The following RASAL2 variants were observed in gnomAD, a reference collection of about 807,000 sequenced individuals.
The protein encoded by RASAL2 is RAS protein activator like 2.
Under a neutral mutation model 128.9 loss-of-function variants are expected in RASAL2, and 58 were observed. That is an observed-to-expected ratio of 0.45 (90% confidence interval 0.36 to 0.56). The LOEUF is 0.56. Ranked by LOEUF, RASAL2 falls within the 20% of genes least tolerant of loss-of-function variation. The pLI, the probability that RASAL2 is intolerant of heterozygous loss-of-function variation, is 0.00. For missense variants in RASAL2, 1,360 were observed against 1,601.6 expected (o/e 0.85, Z 2.57); for synonymous variants, 561 against 580.8 (o/e 0.97, Z 0.49).
intron 1 of RASAL2, among the ~76,000 whole-genome samples, chr1:178,259,079 C>T (rs899971234): frequency 4.0e-5 from 6 of 149,344 alleles, no homozygotes; most frequent in Admixed American, 1.3e-4. Context: ...TTCTTAGGGC[C>T]GAGGGGGATG....
intron 1 of RASAL2, among the ~76,000 whole-genome samples, chr1:178,166,445 C>A (rs1661516680): frequency 6.6e-6 from 1 of 151,994 alleles, no homozygotes; most frequent in Non-Finnish European, 1.5e-5. Context: ...CAAAGGTAAG[C>A]AATTAGTGTC....
chr1:178,209,205 A>G (rs1187840141), intron 1 of RASAL2, among the ~76,000 whole-genome samples: 2 of 151,990 alleles, frequency 1.3e-5, no homozygotes, highest in African/African-American at 2.4e-5. Flanking sequence ...CTTTGTGTCC[A>G]TTATCTTTTG....
At chr1:178,408,117 C>T (rs966263529) in intron 4 of RASAL2, among the ~76,000 whole-genome samples, 3 of 152,104 alleles carry the variant, frequency 2.0e-5, no homozygotes, top group Non-Finnish European at 4.4e-5. Flanking sequence ...TGACAATGTA[C>T]CTTTTTTAAA....
intron 1 of RASAL2, among the ~76,000 whole-genome samples, chr1:178,137,867 A>G (rs916455540): frequency 3.3e-5 from 5 of 152,328 alleles, no homozygotes; most frequent in Admixed American, 6.5e-5. Context: ...AAACTGTGGA[A>G]GAATATATAA....
chr1:178,327,524 G>GC (rs1669093582), intron 3 of RASAL2, among the ~76,000 whole-genome samples: 1 of 151,738 alleles, frequency 6.6e-6, no homozygotes, highest in East Asian at 1.9e-4. Context: ...AATTTTTTGT[G>GC]TTTTTTTAAT....
intron 3 of RASAL2, among the ~76,000 whole-genome samples, chr1:178,365,486 G>C (rs1039857620): frequency 3.9e-5 from 5 of 127,588 alleles, no homozygotes; most frequent in African/African-American, 1.5e-4. Flanking sequence ...GTTATGTTAT[G>C]TTATTTTGAT....
intron 3 of RASAL2, among the ~76,000 whole-genome samples, chr1:178,321,078 A>G: frequency 6.6e-6 from 1 of 152,060 alleles, no homozygotes. Context: ...GTGCACAATA[A>G]TTTTTTATTT....
chr1:178,304,035 T>C (rs1299117311), intron 3 of RASAL2, among the ~76,000 whole-genome samples: 1 of 152,194 alleles, frequency 6.6e-6, no homozygotes, highest in African/African-American at 2.4e-5. Context: ...CACAGGTGTG[T>C]TCACTTTGTG....
At chr1:178,195,807 T>G (rs888749912) in intron 1 of RASAL2, among the ~76,000 whole-genome samples, 3 of 152,112 alleles carry the variant, frequency 2.0e-5, no homozygotes, top group African/African-American at 7.2e-5. Context: ...AAGCTAATTA[T>G]GATGAGCTCT....
At chr1:178,399,892 C>G (rs1322618240) in intron 4 of RASAL2, among the ~76,000 whole-genome samples, 1 of 152,170 alleles carries the variant, frequency 6.6e-6, no homozygotes, top group Non-Finnish European at 1.5e-5. Flanking sequence ...CCAGAGTGGT[C>G]TCTAAAATCT....
intron 1 of RASAL2, among the ~76,000 whole-genome samples, chr1:178,099,803 T>G (rs1369932703): frequency 6.6e-6 from 1 of 151,260 alleles, no homozygotes; most frequent in African/African-American, 2.4e-5. Context: ...TCTACTAAAG[T>G]ACAAAGAAAT....
intron 1 of RASAL2, among the ~76,000 whole-genome samples, chr1:178,247,527 A>T (rs1309271794): frequency 6.6e-6 from 1 of 151,800 alleles, no homozygotes; most frequent in Non-Finnish European, 1.5e-5. Context: ...CAGCTCCTGG[A>T]TTCATTTATT....
intron 1 of RASAL2, among the ~76,000 whole-genome samples, chr1:178,096,628 A>T (rs773484117): frequency 1.3e-5 from 2 of 151,974 alleles, no homozygotes; most frequent in Non-Finnish European, 2.9e-5. Context: ...TCAAGACTTC[A>T]TATCAGACAT....
At chr1:178,422,687 G>C (rs1477496420) in intron 5 of RASAL2, among the ~76,000 whole-genome samples, 1 of 152,016 alleles carries the variant, frequency 6.6e-6, no homozygotes, top group Non-Finnish European at 1.5e-5. Context: ...CTGAAGACCT[G>C]ATTTTCTTGG....
At chr1:178,303,851 T>A (rs574358549) in intron 3 of RASAL2, among the ~76,000 whole-genome samples, 1 of 152,248 alleles carries the variant, frequency 6.6e-6, no homozygotes, top group Admixed American at 6.5e-5. Context: ...AATTAGTACA[T>A]CCTGTCTGAT....
intron 4 of RASAL2, among the ~76,000 whole-genome samples, chr1:178,403,975 C>T (rs10798607): frequency 0.079 from 11,980 of 152,120 alleles, 548 homozygotes; most frequent in Middle Eastern, 0.13. Flanking sequence ...GCCTCTAACC[C>T]CATCATTTTG....
chr1:178,100,352 C>G (rs1658845460), intron 1 of RASAL2, among the ~76,000 whole-genome samples: 1 of 92,990 alleles, frequency 1.1e-5, no homozygotes, highest in Admixed American at 1.5e-4. Flanking sequence ...CTTGTCTCTA[C>G]TATAAATACA....
At chr1:178,280,872 A>C (rs562846939) in intron 1 of RASAL2, among the ~76,000 whole-genome samples, 6 of 152,064 alleles carry the variant, frequency 3.9e-5, no homozygotes, top group Non-Finnish European at 8.8e-5. Flanking sequence ...AGAGCAAAAA[A>C]TAAGATAGGA....
At chr1:178,461,071 C>T (rs1345224083) in intron 14 of RASAL2, among the ~76,000 whole-genome samples, 1 of 152,126 alleles carries the variant, frequency 6.6e-6, no homozygotes, top group South Asian at 2.1e-4. Flanking sequence ...GCCTCGGCCT[C>T]CCAAAGTGCT....
Sources: allele counts gnomAD v4.1 joint callset (sites outside exome capture counted in the v4.1 genomes callset), GRCh38; gene constraint gnomAD v4.1.1; transcripts MANE v1.5; gene names NCBI Gene and HGNC (gene_info 2026-07-23, HGNC 2026-07-21).